The following POLI variants were observed in gnomAD, a reference collection of about 807,000 sequenced individuals.
The protein encoded by POLI is RAD30 homolog B.
In POLI, 58 loss-of-function variants were observed where a neutral mutation model predicts 51.6. The ratio of observed to expected loss-of-function variants is 1.12; its 90% CI spans 0.91 to 1.40. POLI has a LOEUF of 1.40. Among genes scored for constraint, POLI ranks in the 40% most tolerant of loss-of-function variants. The pLI, the probability that POLI is intolerant of heterozygous loss-of-function variation, is 0.00. For synonymous variants in POLI, 322 were observed against 299.7 expected, an observed-to-expected ratio of 1.07 and a Z score of -0.77; for missense variants, 921 against 871.3, an observed-to-expected ratio of 1.06 and a Z score of -0.72.
intron 3 of POLI, among the ~76,000 whole-genome samples, chr18:54,317,256 T>A (rs1035793059): frequency 1.3e-5 from 2 of 152,186 alleles, no homozygotes; most frequent in Non-Finnish European, 2.9e-5. Flanking sequence ...TCAGCCCACC[T>A]CATCCTTTCT....
At chr18:54,312,191 G>A (rs1327638065) in intron 3 of POLI, among the ~76,000 whole-genome samples, 1 of 152,100 alleles carries the variant, frequency 6.6e-6, no homozygotes, top group African/African-American at 2.4e-5. Flanking sequence ...ACTTATAAGT[G>A]AGAAAACGCA....
chr18:54,284,148 G>A (rs1186126498), intron 7 of POLI, 135 bp downstream of exon 7: 1 of 505,044 alleles, frequency 2.0e-6, no homozygotes, highest in Admixed American at 3.9e-5. Context: ...AATTTATCAT[G>A]GGATTTCTCT....
chr18:54,293,947 T>G lies in POLI; in HGVS notation c.1703T>G (p.Val568Gly), dbSNP rs567807681. 1 of 1,612,314 alleles carries G rather than the reference T, an allele frequency of 6.2e-7. No individual in the cohort carries two copies. Among genetic ancestry groups the G allele is most frequent in the Non-Finnish European group, 8.5e-7 (1 of 1,178,672 alleles). Residue 568 changes from valine to glycine, a missense_variant, in exon 10 of 10, where the codon GTA becomes GGA. Physicochemically the swap from Val to Gly is moderately radical, Grantham distance 109. Transcript: ENST00000579534. ...VSCPLHASRGVLSFFSKKQMQ... is the reference protein window; with the variant it reads ...VSCPLHASRGGLSFFSKKQMQ... Reference sequence around the variant, plus strand: ...TGTCCATTACATGCCTCTAGAGGAGTATTATCTTTCTTTTCTAAAAAACAA... The same window carrying G: ...TGTCCATTACATGCCTCTAGAGGAGGATTATCTTTCTTTTCTAAAAAACAA...
intron 3 of POLI, among the ~76,000 whole-genome samples, chr18:54,317,261 C>T (rs995483973): frequency 4.1e-4 from 62 of 152,152 alleles, no homozygotes; most frequent in African/African-American, 1.4e-3. Flanking sequence ...CCACCTCATC[C>T]TTTCTCAGAT....
chr18:54,291,796 A>G lies in POLI; in HGVS notation c.1199-37A>G, dbSNP rs3737390. 165 of 955,972 alleles carry G rather than the reference A, an allele frequency of 1.7e-4. No homozygotes were observed. The East Asian group carries it at 4.3e-3, about 25-fold the overall frequency. The allele number at this position is 955,972 out of a possible 1,614,324, so 59.2% of individuals were successfully genotyped here. ...ATATAAAATATATTATGCTCTTAAT[A>G]TTAATTATAATGTTTATTCTTAAAC... On this transcript the variant is annotated intron_variant, in intron 8 of 9. Transcript: ENST00000579534.
At chr18:54,283,873 ATATAGT>A in intron 6 of POLI, 43 bp from the exon 7 acceptor site, 1 of 674,102 alleles carries the variant, frequency 1.5e-6, no homozygotes, top group Non-Finnish European at 2.6e-6. Flanking sequence ...TAATAATTAG[ATATAGT>A]TATTTGAGTT....
In POLI at chr18:54,274,045, G is replaced by A; in HGVS notation, c.361G>A (p.Gly121Arg). Residue 121 changes from glycine (G) to arginine (R), a missense_variant, in exon 3 of 10, where the codon GGA becomes AGA. Physicochemically the swap from Gly to Arg is moderately radical, Grantham distance 125. Transcript: ENST00000579534. Reference sequence around the variant, plus strand: ...GTGTCCACAGTTGGTATTAGTTAATGGAGAAGACCTGACCCGCTACAGAGA... The same window carrying A: ...GTGTCCACAGTTGGTATTAGTTAATAGAGAAGACCTGACCCGCTACAGAGA... ...EKCPQLVLVN[G>R]EDLTRYREMS... 6.5e-7 allele frequency: 1 copy of A among 1,542,714 alleles called. No individual in the cohort carries two copies. Among genetic ancestry groups the A allele is most frequent in the Non-Finnish European group, 8.8e-7 (1 of 1,142,284 alleles).
downstream of POLI, among the ~76,000 whole-genome samples, chr18:54,302,334 C>T (rs186377703): frequency 6.6e-6 from 1 of 152,176 alleles, no homozygotes; most frequent in Admixed American, 6.5e-5. Context: ...TCAACTAAAC[C>T]AAACATTCTC....
chr18:54,280,918 T>C lies in POLI; in HGVS notation c.796+15T>C. On this transcript the variant is annotated intron_variant, in intron 5 of 9. Coordinates refer to ENST00000579534, the MANE Select transcript of POLI (RefSeq NM_007195.3). ...GGAAATACCTGGTAAGACAAATATATTTGAAAAGTACATATACGTCTTATT... is the reference window on the plus strand; with the variant it reads ...GGAAATACCTGGTAAGACAAATATACTTGAAAAGTACATATACGTCTTATT... The C allele has an allele frequency of 7.4e-7, 1 of 1,352,402 alleles. No homozygotes were observed. The highest frequency in any genetic ancestry group is 1.1e-6 in the Non-Finnish European group (1 of 944,756). The allele number at this position is 1,352,402 out of a possible 1,614,324, so 83.8% of individuals were successfully genotyped here.
At position 54,297,975 on chromosome 18, in the gene POLI, G is replaced by A. The variant is rs998340959; in HGVS notation, c.*3508G>A. 2.0e-6 allele frequency: 2 copies of A among 981,016 alleles called. No individual in the cohort carries two copies. Among genetic ancestry groups the A allele is most frequent in the Non-Finnish European group, 2.4e-6 (2 of 826,138 alleles). 60.8% of individuals were successfully genotyped at this position (981,016 alleles called of 1,614,324 possible). On this transcript the variant is annotated 3_prime_UTR_variant, in exon 10 of 10. Coordinates refer to ENST00000579534, the MANE Select transcript of POLI (RefSeq NM_007195.3). Reference sequence around the variant, plus strand: ...TAGATTTAGAACTGACATCTCTTGAGCTGTTCTAAGATAATATCTTTTACT... The same window carrying A: ...TAGATTTAGAACTGACATCTCTTGAACTGTTCTAAGATAATATCTTTTACT...
At chr18:54,285,172 T>C (rs2087692204) in intron 7 of POLI, among the ~76,000 whole-genome samples, 1 of 152,224 alleles carries the variant, frequency 6.6e-6, no homozygotes, top group Non-Finnish European at 1.5e-5. Context: ...GGGCTGGCTG[T>C]ATGACTGGCC....
chr18:54,282,866 G>C lies in POLI; in HGVS notation c.826G>C (p.Glu276Gln), dbSNP rs3218783. 34 of 1,567,226 alleles carry C rather than the reference G, an allele frequency of 2.2e-5. No homozygotes were observed. The highest frequency in any genetic ancestry group is 2.9e-5 in the Non-Finnish European group (33 of 1,153,734). Residue 276 changes from glutamate to glutamine, a missense_variant, in exon 6 of 10, where the codon GAA becomes CAA. Glu to Gln is a conservative substitution (Grantham distance 29). Coordinates refer to ENST00000579534, the MANE Select transcript of POLI (RefSeq NM_007195.3). The part of the protein sequence containing the change: ...GIGYKTAKCL[E>Q]ALGINSVRDL... The stretch of plus-strand genomic sequence containing the variant: ...TGGCTATAAAACTGCCAAATGTCTT[G>C]AAGCACTGGGTATCAATAGTGTGCG...
intron 8 of POLI, chr18:54,291,231 C>T (rs1173956757): frequency 1.3e-5 from 2 of 152,248 alleles, no homozygotes; most frequent in African/African-American, 4.8e-5. Context: ...CTGATCTGTC[C>T]TTCACCCGAA....
downstream of POLI, among the ~76,000 whole-genome samples, chr18:54,299,898 A>G (rs1473246829): frequency 1.3e-5 from 2 of 152,212 alleles, no homozygotes; most frequent in Non-Finnish European, 2.9e-5. Flanking sequence ...AAAAACAAGC[A>G]AAGCCAACAA....
At chr18:54,290,550 T>G (rs2087959509) in intron 8 of POLI, among the ~76,000 whole-genome samples, 1 of 152,158 alleles carries the variant, frequency 6.6e-6, no homozygotes. Flanking sequence ...TGTGGCACTA[T>G]TCACAATAGC....
Position 54,295,433 on chromosome 18 carries a change from T to C in POLI, c.*966T>C, listed in dbSNP as rs968209508. The C allele has an allele frequency of 1.2e-5, 12 of 974,384 alleles. No individual in the cohort carries two copies. Among genetic ancestry groups the C allele is most frequent in the East Asian group, 1.1e-4 (1 of 8,772 alleles). The allele number at this position is 974,384 out of a possible 1,614,324, so 60.4% of individuals were successfully genotyped here. ...TGGATATAAGATTGAGAATGTATTA[T>C]ATAATTTGCAAGACATAGAGGATGT... On this transcript the variant is annotated 3_prime_UTR_variant, in exon 10 of 10. Transcript: ENST00000579534.
chr18:54,272,785 A>G (rs917003783), intron 2 of POLI, among the ~76,000 whole-genome samples: 2 of 151,726 alleles, frequency 1.3e-5, no homozygotes, highest in African/African-American at 4.8e-5. Context: ...AGTGACATGC[A>G]GTGATGAGGC....
At chr18:54,283,797 C>T in intron 6 of POLI, 125 bp from the exon 7 acceptor site, 1 of 490,330 alleles carries the variant, frequency 2.0e-6, no homozygotes, top group Non-Finnish European at 3.7e-6. Context: ...AACTAAATGG[C>T]TCAAACTAAG....
At chr18:54,308,201 T>A (rs2088619275) in intron 3 of POLI, among the ~76,000 whole-genome samples, 1 of 152,178 alleles carries the variant, frequency 6.6e-6, no homozygotes, top group African/African-American at 2.4e-5. Flanking sequence ...ATTTGGCATG[T>A]TTTTGCAGTG....
Sources: allele counts gnomAD v4.1 joint callset (sites outside exome capture counted in the v4.1 genomes callset), GRCh38; gene constraint gnomAD v4.1.1; transcripts MANE v1.5; gene names NCBI Gene and HGNC (gene_info 2026-07-23, HGNC 2026-07-21).